The following FBN2 variants were observed in gnomAD, a reference collection of about 807,000 sequenced individuals.
FBN2 encodes the protein fibrillin-2.
A neutral mutation model predicts 355.6 loss-of-function variants in FBN2; 105 were observed. The ratio of observed to expected loss-of-function variants is 0.30; its 90% CI spans 0.25 to 0.35. FBN2 has a LOEUF of 0.35. Ranked by LOEUF, FBN2 falls within the 10% of genes least tolerant of loss-of-function variation. FBN2 has a pLI of 1.00. For synonymous variants in FBN2, 1,350 were observed against 1,301.2 expected, an observed-to-expected ratio of 1.04 and a Z score of -0.81; for missense variants, 3,280 against 3,758.7, an observed-to-expected ratio of 0.87 and a Z score of 3.33.
At chr5:128,508,180 A>G (rs1756014666) in intron 5 of FBN2, among the ~76,000 whole-genome samples, 1 of 151,988 alleles carries the variant, frequency 6.6e-6, no homozygotes, top group East Asian at 1.9e-4. Flanking sequence ...TAGATTTCTT[A>G]TAGGCAGCAT....
intron 25 of FBN2, among the ~76,000 whole-genome samples, chr5:128,342,135 G>A (rs1477850193): frequency 6.6e-6 from 1 of 152,080 alleles, no homozygotes; most frequent in Admixed American, 6.5e-5. Context: ...GCTCAGCAGA[G>A]GCCATCTCTG....
chr5:128,511,558 A>G (rs1457452103), intron 5 of FBN2, among the ~76,000 whole-genome samples: 1 of 152,172 alleles, frequency 6.6e-6, no homozygotes, highest in East Asian at 1.9e-4. Context: ...ATTATGCTGC[A>G]CTGTGTGGAG....
At chr5:128,326,315 G>A (rs1581217725) in intron 34 of FBN2, among the ~76,000 whole-genome samples, 1 of 152,292 alleles carries the variant, frequency 6.6e-6, no homozygotes, top group East Asian at 1.9e-4. Flanking sequence ...TTGAGAATGG[G>A]GAGAGCTCCT....
intron 5 of FBN2, among the ~76,000 whole-genome samples, chr5:128,501,903 C>G (rs977592278): frequency 6.6e-6 from 1 of 151,906 alleles, no homozygotes. Flanking sequence ...AGTAGAGAAC[C>G]TAAAAATGGA....
intron 16 of FBN2, 83 bp from the exon 17 acceptor site, chr5:128,366,513 C>A: frequency 5.3e-6 from 4 of 754,184 alleles, no homozygotes; most frequent in Non-Finnish European, 4.4e-6. Context: ...TCCAAAACTA[C>A]CATTAGGAAG....
intron 5 of FBN2, among the ~76,000 whole-genome samples, chr5:128,485,935 A>G (rs750869848): frequency 6.6e-6 from 1 of 152,178 alleles, no homozygotes; most frequent in Non-Finnish European, 1.5e-5. Context: ...CTTAATTAAG[A>G]ACACAGTGCT....
At chr5:128,469,260 G>A (rs541644943) in intron 5 of FBN2, among the ~76,000 whole-genome samples, 97 of 152,310 alleles carry the variant, frequency 6.4e-4, no homozygotes, top group African/African-American at 2.3e-3. Context: ...GAAGCAAGGT[G>A]CACCTAGGGT....
intron 5 of FBN2, among the ~76,000 whole-genome samples, chr5:128,468,916 A>G (rs1754783688): frequency 6.6e-6 from 1 of 152,242 alleles, no homozygotes; most frequent in Non-Finnish European, 1.5e-5. Flanking sequence ...TTCTAAATAA[A>G]AACACAATTA....
chr5:128,513,358 T>G (rs1200509817), intron 5 of FBN2, among the ~76,000 whole-genome samples: 1 of 152,244 alleles, frequency 6.6e-6, no homozygotes, highest in Non-Finnish European at 1.5e-5. Context: ...TCTGGTAGTT[T>G]TTCCCAGTTT....
intron 25 of FBN2, among the ~76,000 whole-genome samples, chr5:128,344,137 G>C (rs1561781032): frequency 6.6e-6 from 1 of 152,154 alleles, no homozygotes; most frequent in Non-Finnish European, 1.5e-5. Flanking sequence ...TGTGCTCCCA[G>C]TTACTTGGGA....
chr5:128,339,072 G>A lies in FBN2; in HGVS notation c.3344-11C>T, dbSNP rs981472934. The A allele has an allele frequency of 6.2e-7, 1 of 1,613,524 alleles. No homozygotes were observed. The highest frequency in any genetic ancestry group is 1.7e-5 in the Admixed American group (1 of 60,008). ...TGCACTCGTCGATGTCTAATTCACA[G>A]GGTTTAAAAGAAATTTAAAAATTGA... On this transcript the variant is annotated splice_polypyrimidine_tract_variant and intron_variant, in intron 25 of 64. Transcript: ENST00000262464.
At chr5:128,293,959 G>A (rs1451139191) in intron 48 of FBN2, among the ~76,000 whole-genome samples, 3 of 151,858 alleles carry the variant, frequency 2.0e-5, no homozygotes, top group Non-Finnish European at 4.4e-5. Flanking sequence ...CTAGCATTAG[G>A]TATATCTCCC....
chr5:128,310,408 T>A (rs2409559), intron 39 of FBN2, among the ~76,000 whole-genome samples: 110 of 11,186 alleles, frequency 9.8e-3, no homozygotes, highest in East Asian at 0.047. Context: ...ATATATTTTT[T>A]TTTTTTTTTT....
intron 34 of FBN2, among the ~76,000 whole-genome samples, chr5:128,324,589 T>C (rs1004866664): frequency 5.9e-5 from 9 of 152,014 alleles, no homozygotes; most frequent in Non-Finnish European, 1.0e-4. Context: ...CATATAGTTG[T>C]GCAGTTTTGA....
chr5:128,310,176 G>A, intron 39 of FBN2, 68 bp from the exon 40 acceptor site: 2 of 1,352,370 alleles, frequency 1.5e-6, no homozygotes, highest in South Asian at 2.5e-5. Context: ...TTACTTAGAT[G>A]ACTGAACAAA....
intron 3 of FBN2, among the ~76,000 whole-genome samples, chr5:128,529,940 T>C (rs531696797): frequency 2.8e-4 from 43 of 152,268 alleles, no homozygotes; most frequent in African/African-American, 9.4e-4. Context: ...TTACCTTCTT[T>C]TAGGGAAAAT....
chr5:128,358,916 A>C (rs1751569632), intron 19 of FBN2, among the ~76,000 whole-genome samples: 1 of 152,058 alleles, frequency 6.6e-6, no homozygotes, highest in Admixed American at 6.5e-5. Flanking sequence ...TACAAATATC[A>C]ACTATTTAGT....
In FBN2 at chr5:128,395,430, T is replaced by C. The variant is rs768993547; in HGVS notation, c.1079-156A>G. Among the ~76,000 whole-genome samples the C allele has an allele frequency of 5.3e-5, 8 of 152,172 alleles. No homozygotes were observed. In the South Asian group the frequency reaches 1.0e-3, roughly 20 times the overall value. Reference sequence around the variant, plus strand: ...ACTCTCTTAATATCTCAGACATTCATTGAGCCAGGGACAGAACAATGAAAG... The same window carrying C: ...ACTCTCTTAATATCTCAGACATTCACTGAGCCAGGGACAGAACAATGAAAG... On this transcript the variant is annotated intron_variant, in intron 8 of 64. Coordinates refer to ENST00000262464, the MANE Select transcript of FBN2 (RefSeq NM_001999.4).
chr5:128,442,290 C>G (rs1167722337), intron 7 of FBN2: 4 of 455,918 alleles, frequency 8.8e-6, no homozygotes, highest in Non-Finnish European at 1.3e-5. Context: ...ATAACTAGCT[C>G]AAGGAATGTT....
Sources: gnomAD v4.1 joint callset for allele counts (sites outside exome capture counted in the v4.1 genomes callset) on GRCh38, gnomAD v4.1.1 for gene constraint, MANE v1.5 for transcripts, NCBI Gene and HGNC (gene_info 2026-07-23, HGNC 2026-07-21) for gene names.